SERPINF1: variants seen among roughly 807,000 people sequenced by gnomAD.
The protein encoded by SERPINF1 is serpin family F member 1, also known as pigment epithelium-derived factor.
In SERPINF1, 29 loss-of-function variants were observed where a neutral mutation model predicts 37.3. That is an observed-to-expected ratio of 0.78 (90% CI 0.58 to 1.06). The LOEUF (loss-of-function observed/expected upper bound fraction) is 1.06, where lower values mean the gene tolerates loss of function less well. Ranked by LOEUF, SERPINF1 falls within the 50% of genes least tolerant of loss-of-function variation. SERPINF1 has a pLI of 0.00. For synonymous variants in SERPINF1, 281 were observed against 227.9 expected, an observed-to-expected ratio of 1.23 and a Z score of -2.10; for missense variants, 553 against 532.2, an observed-to-expected ratio of 1.04 and a Z score of -0.38.
At position 1,775,196 on chromosome 17, in the gene SERPINF1, G is replaced by C. The variant is rs770704855; in HGVS notation, c.782G>C (p.Cys261Ser). The change falls in exon 6 of 8, where the codon TGC becomes TCC. Residue 261 changes from cysteine (C) to serine (S), a missense_variant. Physicochemically the swap from Cys to Ser is moderately radical, Grantham distance 112. Coordinates refer to ENST00000254722, the MANE Select transcript of SERPINF1 (RefSeq NM_002615.7). Reference sequence around the variant, plus strand: ...TATGGCTTGGATTCAGATCTCAGCTGCAAGGTCTGTAGGGATAGGGGCAGG... The same window carrying C: ...TATGGCTTGGATTCAGATCTCAGCTCCAAGGTCTGTAGGGATAGGGGCAGG... ...LRYGLDSDLS[C>S]KIAQLPLTGS... is the part of the protein sequence containing the mutation. 6.2e-7 allele frequency: 1 copy of C among 1,609,416 alleles called. No individual in the cohort carries two copies. Among genetic ancestry groups the C allele is most frequent in the Non-Finnish European group, 8.5e-7 (1 of 1,176,390 alleles).
intron 2 of SERPINF1, among the ~76,000 whole-genome samples, chr17:1,768,946 C>T (rs991339976): frequency 2.6e-5 from 4 of 151,854 alleles, no homozygotes; most frequent in South Asian, 2.1e-4. Flanking sequence ...GCTGGGATTA[C>T]AGGCATGCAC....
At chr17:1,769,138 G>A (rs990686513) in intron 2 of SERPINF1, among the ~76,000 whole-genome samples, 9 of 151,634 alleles carry the variant, frequency 5.9e-5, no homozygotes, top group Non-Finnish European at 1.2e-4. Context: ...GGCTGGGCGC[G>A]GTGGCTCATG....
intron 3 of SERPINF1, chr17:1,770,380 G>C: frequency 2.2e-6 from 1 of 455,466 alleles, no homozygotes; most frequent in African/African-American, 2.0e-5. Context: ...AAACAAGCAG[G>C]TGTGGGCTTG....
At chr17:1,768,805 ATTTAC>A (rs1440430777) in intron 2 of SERPINF1, among the ~76,000 whole-genome samples, 1 of 144,692 alleles carries the variant, frequency 6.9e-6, no homozygotes, top group African/African-American at 2.6e-5. Context: ...ATTTATTTTT[ATTTAC>A]TTATTTATTT....
chr17:1,771,590 G>T lies in SERPINF1; in HGVS notation c.440-282G>T, dbSNP rs564436697. 1.3e-4 allele frequency: 65 copies of T among 500,104 alleles called. 1 individual carries two copies. The highest frequency in any genetic ancestry group is 1.3e-3 in the South Asian group (63 of 49,886). The allele number at this position is 500,104 out of a possible 1,614,324, so 31.0% of individuals were successfully genotyped here. A position where few individuals can be genotyped will look rare whatever the true frequency, so the allele number is the denominator to read the frequency against. ...CCAGGCCTGGCCTGGCACTGGTGTGGAGGAAGGGCCCGTGAGCCCAAAGAG... is the reference window on the plus strand; with the variant it reads ...CCAGGCCTGGCCTGGCACTGGTGTGTAGGAAGGGCCCGTGAGCCCAAAGAG... On this transcript the variant is annotated intron_variant, in intron 4 of 7. Transcript: ENST00000254722.
intron 5 of SERPINF1, among the ~76,000 whole-genome samples, chr17:1,773,429 A>G (rs1245779190): frequency 6.6e-6 from 1 of 151,974 alleles, no homozygotes; most frequent in Non-Finnish European, 1.5e-5. Context: ...TATTTTCAGT[A>G]GAGATGGGGT....
chr17:1,774,220 A>T lies in SERPINF1; in HGVS notation c.644-838A>T, dbSNP rs4595832. ...TTTCTTTCTTTTGTTTTTGAGATGG[A>T]GTTTCGCTCTTTTTGCCTAGGCTGG... On this transcript the variant is annotated intron_variant, in intron 5 of 7. Coordinates refer to ENST00000254722, the MANE Select transcript of SERPINF1 (RefSeq NM_002615.7). Among the ~76,000 whole-genome samples, 867 of 152,026 alleles carry T rather than the reference A, an allele frequency of 5.7e-3. 9 individuals are homozygous for T. Among genetic ancestry groups the T allele is most frequent in the African/African-American group, 0.019 (803 of 41,480 alleles).
Position 1,777,525 on chromosome 17 carries a change from G to C in SERPINF1, c.*79G>C. The C allele has an allele frequency of 1.3e-6, 2 of 1,581,790 alleles. No homozygotes were observed. The highest frequency in any genetic ancestry group is 1.7e-6 in the Non-Finnish European group (2 of 1,153,074). On this transcript the variant is annotated 3_prime_UTR_variant, in exon 8 of 8. Coordinates refer to ENST00000254722, the MANE Select transcript of SERPINF1 (RefSeq NM_002615.7). The stretch of plus-strand genomic sequence containing the variant: ...TCCACAGGACACGAAGGCTGCCCCT[G>C]TAAGGTTTCAATGCATACAATAAAA...
rs190785223 is a variant in SERPINF1 at position 1,772,924 on chromosome 17, G to A, written c.643+849G>A. Among the ~76,000 whole-genome samples, 4 of 152,030 alleles carry A rather than the reference G, an allele frequency of 2.6e-5. No homozygotes were observed. The East Asian group carries it at 7.8e-4, about 29-fold the overall frequency. On this transcript the variant is annotated intron_variant, in intron 5 of 7. Coordinates refer to ENST00000254722, the MANE Select transcript of SERPINF1 (RefSeq NM_002615.7). ...TGGTCTCGAACTCCTGAGCTGAAGT[G>A]ATCCTCCCACCTCGGCCTCCCAAAA...
intron 1 of SERPINF1, 132 bp downstream of exon 1, chr17:1,762,245 ACAG>A (rs912112684): frequency 1.3e-5 from 2 of 152,652 alleles, no homozygotes; most frequent in Admixed American, 1.3e-4. Context: ...AAATGCGGAG[ACAG>A]CAGCCCCTGC....
chr17:1,772,177 T>C lies in SERPINF1; in HGVS notation c.643+102T>C, dbSNP rs574686086. 268 of 1,269,302 alleles carry C rather than the reference T, an allele frequency of 2.1e-4. No individual in the cohort carries two copies. In the Middle Eastern group the frequency reaches 2.4e-3, roughly 11 times the overall value. The allele number at this position is 1,269,302 out of a possible 1,614,324, so 78.6% of individuals were successfully genotyped here. A position where few individuals can be genotyped will look rare whatever the true frequency, so the allele number is the denominator to read the frequency against. On this transcript the variant is annotated intron_variant, in intron 5 of 7. Coordinates refer to ENST00000254722, the MANE Select transcript of SERPINF1 (RefSeq NM_002615.7). ...TGTAGTCCTAACTGGAGTGCAGTGGTGCGATCTCAGCTCAATGCAACCTCC... is the reference window on the plus strand; with the variant it reads ...TGTAGTCCTAACTGGAGTGCAGTGGCGCGATCTCAGCTCAATGCAACCTCC...
At chr17:1,776,828 AG>A (rs1908064442) in intron 7 of SERPINF1, 86 bp downstream of exon 7, 4 of 1,241,776 alleles carry the variant, frequency 3.2e-6, no homozygotes, top group African/African-American at 1.5e-5. Context: ...GCAGAACGCA[AG>A]GGCTCCACAG....
In SERPINF1 at chr17:1,777,540, A is replaced by G; in HGVS notation, c.*94A>G. The G allele has an allele frequency of 6.7e-7, 1 of 1,485,914 alleles. No individual in the cohort carries two copies. The highest frequency in any genetic ancestry group is 9.4e-7 in the Non-Finnish European group (1 of 1,068,636). 92.0% of individuals were successfully genotyped at this position (1,485,914 alleles called of 1,614,324 possible). ...GGCTGCCCCTGTAAGGTTTCAATGCATACAATAAAAGAGCTTTATCCCTAA... is the reference window on the plus strand; with the variant it reads ...GGCTGCCCCTGTAAGGTTTCAATGCGTACAATAAAAGAGCTTTATCCCTAA... On this transcript the variant is annotated 3_prime_UTR_variant, in exon 8 of 8. Transcript: ENST00000254722.
chr17:1,774,979 C>T (rs914843943), intron 5 of SERPINF1, 79 bp from the exon 6 acceptor site: 68 of 1,593,000 alleles, frequency 4.3e-5, no homozygotes, highest in Middle Eastern at 1.7e-4. Context: ...TTTTCAACAA[C>T]GTGCTCTGGG....
Position 1,776,519 on chromosome 17 carries a change from T to C in SERPINF1, c.787-13T>C. The stretch of plus-strand genomic sequence containing the variant: ...TCTGAAGGACTAACCACATGCTTTC[T>C]CACTTGTCTCAGATTGCCCAGCTGC... On this transcript the variant is annotated splice_polypyrimidine_tract_variant and intron_variant, in intron 6 of 7. Transcript: ENST00000254722. 1 of 1,613,770 alleles carries C rather than the reference T, an allele frequency of 6.2e-7. No individual in the cohort carries two copies. Among genetic ancestry groups the C allele is most frequent in the Non-Finnish European group, 8.5e-7 (1 of 1,179,876 alleles).
chr17:1,770,940 A>T (rs113083453), intron 3 of SERPINF1, 89 bp from the exon 4 acceptor site: 4 of 1,541,640 alleles, frequency 2.6e-6, no homozygotes. Flanking sequence ...CAGACAAAAA[A>T]GATGAGTATA....
chr17:1,775,348 C>T lies in SERPINF1; in HGVS notation c.786+148C>T, dbSNP rs1189912095. 3.9e-6 allele frequency: 3 copies of T among 769,392 alleles called. No individual in the cohort carries two copies. The African/African-American group carries it at 5.2e-5, about 13-fold the overall frequency. The allele number at this position is 769,392 out of a possible 1,614,324, so 47.7% of individuals were successfully genotyped here. On this transcript the variant is annotated intron_variant, in intron 6 of 7. Coordinates refer to ENST00000254722, the MANE Select transcript of SERPINF1 (RefSeq NM_002615.7). ...GACTTTGAGCAGGTTAATAACATGTCTGAGCTTTCCTCCTCTTAAGATGGG... is the reference window on the plus strand; with the variant it reads ...GACTTTGAGCAGGTTAATAACATGTTTGAGCTTTCCTCCTCTTAAGATGGG...
chr17:1,762,523 C>T (rs1448361406), intron 1 of SERPINF1, among the ~76,000 whole-genome samples: 1 of 152,204 alleles, frequency 6.6e-6, no homozygotes, highest in Non-Finnish European at 1.5e-5. Flanking sequence ...CAAGGGCAGT[C>T]AGGAAGGCGG....
intron 1 of SERPINF1, among the ~76,000 whole-genome samples, chr17:1,765,672 A>G (rs1299829003): frequency 6.6e-6 from 1 of 151,992 alleles, no homozygotes; most frequent in Non-Finnish European, 1.5e-5. Flanking sequence ...ACAAGAGAAA[A>G]AATGGTGATT....
Sources: gnomAD v4.1 joint callset for allele counts (sites outside exome capture counted in the v4.1 genomes callset) on GRCh38, gnomAD v4.1.1 for gene constraint, MANE v1.5 for transcripts, NCBI Gene and HGNC (gene_info 2026-07-23, HGNC 2026-07-21) for gene names.